Variants in PTGDR2 observed in about 807,000 individuals in gnomAD.
The protein encoded by PTGDR2 is prostaglandin D2 receptor 2, also known as G-protein coupled receptor 44.
For synonymous variants in PTGDR2, 276 were observed against 278.4 expected (o/e 0.99, Z 0.09); for missense variants, 544 against 576.6 (o/e 0.94, Z 0.58).
In PTGDR2 at chr11:60,852,232, CTG is replaced by C. The variant is rs1244113380; in HGVS notation, c.*301_*302del. ...AGGCCTCGCCTGTGAACCTGCCGCA[CTG>C]GCTTCTCGGCCTGGGAGCTTGTTAA... On this transcript the variant is annotated 3_prime_UTR_variant, in exon 2 of 2. Coordinates refer to ENST00000332539, the MANE Select transcript of PTGDR2 (RefSeq NM_004778.3). 2.9e-6 allele frequency: 1 copy of C among 342,270 alleles called. No individual in the cohort carries two copies. Among genetic ancestry groups the C allele is most frequent in the Non-Finnish European group, 5.2e-6 (1 of 190,574 alleles). The allele number at this position is 342,270 out of a possible 1,614,324, so 21.2% of individuals were successfully genotyped here. A position where few individuals can be genotyped will look rare whatever the true frequency, so the allele number is the denominator to read the frequency against.
chr11:60,853,039 G>A lies in PTGDR2; in HGVS notation c.684C>T (p.Ala228=). The change falls in exon 2 of 2, where the codon GCC becomes GCT. Residue 228 remains alanine (A), a synonymous_variant. Coordinates refer to ENST00000332539, the MANE Select transcript of PTGDR2 (RefSeq NM_004778.3). The part of the protein sequence containing the change: ...PLAIIASSHA[A]VSLRLQHRGR... ...CGCGGTGCTGCAACCGCAGGCTCAC[G>A]GCCGCGTGGCTCGAGGCGATGATCG... The A allele has an allele frequency of 6.4e-7, 1 of 1,562,148 alleles. No individual in the cohort carries two copies.
Position 60,852,653 on chromosome 11 carries a change from C to T in PTGDR2, c.1070G>A (p.Cys357Tyr). 7.4e-7 allele frequency: 1 copy of T among 1,352,834 alleles called. No homozygotes were observed. The highest frequency in any genetic ancestry group is 9.5e-7 in the Non-Finnish European group (1 of 1,047,272). The allele number at this position is 1,352,834 out of a possible 1,614,324, so 83.8% of individuals were successfully genotyped here. A position where few individuals can be genotyped will look rare whatever the true frequency, so the allele number is the denominator to read the frequency against. ...TARSASPLALCSRPEEPRGPA... is the reference protein window; with the variant it reads ...TARSASPLALYSRPEEPRGPA... ...GCCCCGCGGTTCCTCCGGGCGGCTG[C>T]AGAGAGCTAAAGGGGAGGCCGAGCG... is the stretch of plus-strand genomic sequence containing the variant. Residue 357 changes from cysteine (C) to tyrosine (Y), a missense_variant, in exon 2 of 2, where the codon TGC (cysteine) becomes TAC (tyrosine). Cys to Tyr is a radical substitution (Grantham distance 194, BLOSUM62 -2). Coordinates refer to ENST00000332539, the MANE Select transcript of PTGDR2 (RefSeq NM_004778.3).
rs754457283 is a variant in PTGDR2, at chr11:60,854,367, A to G, written c.-9-636T>C. Among the ~76,000 whole-genome samples, 15 of 152,188 alleles carry G rather than the reference A, an allele frequency of 9.9e-5. 1 individual carries two copies. Among genetic ancestry groups the G allele is most frequent in the Non-Finnish European group, 2.1e-4 (14 of 68,028 alleles). ...CTCTGATGGTTGGAGAGGAAATAAG[A>G]TAAGAGCCAGGAGAGCTGGGGAGGA... is the stretch of plus-strand genomic sequence containing the variant. On this transcript the variant is annotated intron_variant, in intron 1 of 1. Transcript: ENST00000332539.
chr11:60,852,893 C>T lies in PTGDR2; in HGVS notation c.830G>A (p.Gly277Glu), dbSNP rs1234869101. ...LLEARAHANP[G>E]LRPLVWRGLP... ...CCCGCGCCACACGAGCGGCCGCAGC[C>T]CCGGGTTTGCGTGCGCCCGCGCCTC... is the stretch of plus-strand genomic sequence containing the variant. The change falls in exon 2 of 2, where the codon GGG becomes GAG. Residue 277 changes from glycine (G) to glutamate (E), a missense_variant. Transcript: ENST00000332539. The T allele has an allele frequency of 6.5e-7, 1 of 1,530,378 alleles. No individual in the cohort carries two copies. The allele number at this position is 1,530,378 out of a possible 1,614,324, so 94.8% of individuals were successfully genotyped here.
At chr11:60,854,435 G>T (rs1267470863) in intron 1 of PTGDR2, among the ~76,000 whole-genome samples, 2 of 152,240 alleles carry the variant, frequency 1.3e-5, no homozygotes. Flanking sequence ...GGGGCCAAAA[G>T]ATCTCTCCCT....
rs1855317641 is a variant in PTGDR2, at chr11:60,853,691, C to T, written c.32G>A (p.Cys11Tyr). Residue 11 changes from cysteine (C) to tyrosine (Y), a missense_variant, in exon 2 of 2, where the codon TGC becomes TAC. By Grantham distance (194) the Cys-to-Tyr change is radical. Transcript: ENST00000332539. ...ACGGCTCATCTGCTCCAGGATGGGG[C>T]AGAGTGGCTTCAGTGTGGCGTTGGC... Reference protein sequence around the residue: MSANATLKPLCPILEQMSRLQ... With the variant: MSANATLKPLYPILEQMSRLQ... 1 of 1,552,694 alleles carries T rather than the reference C, an allele frequency of 6.4e-7. No individual in the cohort carries two copies. The highest frequency in any genetic ancestry group is 1.4e-5 in the African/African-American group (1 of 73,518).
intron 1 of PTGDR2, among the ~76,000 whole-genome samples, chr11:60,854,329 G>A (rs937309168): frequency 6.6e-6 from 1 of 152,226 alleles, no homozygotes; most frequent in Non-Finnish European, 1.5e-5. Context: ...ATAAACAGTG[G>A]AACCAGCCCC....
chr11:60,854,142 C>T (rs573794519), intron 1 of PTGDR2, among the ~76,000 whole-genome samples: 1 of 152,270 alleles, frequency 6.6e-6, no homozygotes, highest in East Asian at 1.9e-4. Flanking sequence ...TTTTCCCATC[C>T]CCAGAGCACT....
chr11:60,855,066 C>G (rs1855339745), intron 1 of PTGDR2, among the ~76,000 whole-genome samples: 1 of 152,202 alleles, frequency 6.6e-6, no homozygotes, highest in Admixed American at 6.5e-5. Flanking sequence ...AACTAGAATT[C>G]TGCTGGCGGA....
Position 60,855,857 on chromosome 11 carries a change from ACTC to A in PTGDR2, c.-10+9_-10+11del, listed in dbSNP as rs1486877888. 3 of 152,174 alleles carry A rather than the reference ACTC, an allele frequency of 2.0e-5. No homozygotes were observed. Among genetic ancestry groups the A allele is most frequent in the Admixed American group, 2.0e-4 (3 of 15,264 alleles). 9.4% of individuals were successfully genotyped at this position (152,174 alleles called of 1,614,324 possible). ...CACTAGGCTGCCCAACCCCTGGGCC[ACTC>A]CTCCTTACCTGGGCACAGAGGGAGC... On this transcript the variant is annotated intron_variant, in intron 1 of 1. Transcript: ENST00000332539.
chr11:60,853,016 CG>C lies in PTGDR2; in HGVS notation c.706del (p.Arg236AlafsTer119). Reference protein sequence around the residue: ...HAAVSLRLQHRGRRRPGRFVR... With the variant: ...HAAVSLRLQHXGRRRPGRFVR... ...GAAGCGGCCTGGCCGCCGGCGGCCGCGGTGCTGCAACCGCAGGCTCACGGCC... is the reference window on the plus strand; with the variant it reads ...GAAGCGGCCTGGCCGCCGGCGGCCGCGTGCTGCAACCGCAGGCTCACGGCC... On this transcript the variant is annotated frameshift_variant, in exon 2 of 2. Coordinates refer to ENST00000332539, the MANE Select transcript of PTGDR2 (RefSeq NM_004778.3). LOFTEE classifies it low-confidence loss of function (END_TRUNC). 1 of 1,490,916 alleles carries C rather than the reference CG, an allele frequency of 6.7e-7. No individual in the cohort carries two copies. Among genetic ancestry groups the C allele is most frequent in the South Asian group, 1.3e-5 (1 of 76,364 alleles). 92.4% of individuals were successfully genotyped at this position (1,490,916 alleles called of 1,614,324 possible).
intron 1 of PTGDR2, 127 bp from the exon 2 acceptor site, chr11:60,853,858 G>A (rs1855320892): frequency 4.2e-6 from 3 of 717,622 alleles, no homozygotes; most frequent in African/African-American, 1.8e-5. Flanking sequence ...TGGGCGGTGG[G>A]GGTGGGGGGA....
intron 1 of PTGDR2, among the ~76,000 whole-genome samples, chr11:60,854,532 A>C (rs1855330508): frequency 6.6e-6 from 1 of 152,368 alleles, no homozygotes; most frequent in South Asian, 2.1e-4. Context: ...CATCCAACAA[A>C]TAAGACGTGC....
Position 60,851,585 on chromosome 11 carries a change from C to T in PTGDR2, c.*950G>A, listed in dbSNP as rs1365701909. The T allele has an allele frequency of 1.3e-5, 2 of 152,266 alleles. No individual in the cohort carries two copies. Among genetic ancestry groups the T allele is most frequent in the African/African-American group, 4.8e-5 (2 of 41,464 alleles). 9.4% of individuals were successfully genotyped at this position (152,266 alleles called of 1,614,324 possible). ...ACACCAGGCCGACAGGGAGGCTGGT[C>T]CGCTTAGCTAAGAAATGACGTGTGC... On this transcript the variant is annotated 3_prime_UTR_variant, in exon 2 of 2. Transcript: ENST00000332539.
At position 60,853,501 on chromosome 11, in the gene PTGDR2, C is replaced by A; in HGVS notation, c.222G>T (p.Ala74=). 6.4e-7 allele frequency: 1 copy of A among 1,561,058 alleles called. No homozygotes were observed. Among genetic ancestry groups the A allele is most frequent in the Non-Finnish European group, 8.7e-7 (1 of 1,152,160 alleles). ...TVVTTWVLHL[A]LSDLLASASL... is the part of the protein sequence containing the mutation. ...AAGCAGAGGCCAACAGGTCGGACAG[C>A]GCCAGGTGCAGCACCCAGGTGGTGA... The change falls in exon 2 of 2, where the codon GCG becomes GCT. Residue 74 remains alanine, a synonymous_variant. Transcript: ENST00000332539.
At position 60,853,240 on chromosome 11, in the gene PTGDR2, G is replaced by A. The variant is rs759974499; in HGVS notation, c.483C>T (p.Leu161=). ...VCLVLWALAV[L]NTVPYFVFRD... is the part of the protein sequence containing the mutation. Reference sequence around the variant, plus strand: ...GGAACACGAAATAGGGCACCGTGTTGAGCACCGCTAGTGCCCAAAGCACCA... The same window carrying A: ...GGAACACGAAATAGGGCACCGTGTTAAGCACCGCTAGTGCCCAAAGCACCA... The change falls in exon 2 of 2, where the codon CTC becomes CTT. Residue 161 remains leucine, a synonymous_variant. Transcript: ENST00000332539. 1 of 1,613,258 alleles carries A rather than the reference G, an allele frequency of 6.2e-7. No individual in the cohort carries two copies. Among genetic ancestry groups the A allele is most frequent in the Non-Finnish European group, 8.5e-7 (1 of 1,179,860 alleles).
Position 60,853,112 on chromosome 11 carries a change from A to T in PTGDR2, c.611T>A (p.Val204Glu), listed in dbSNP as rs2467642. The T allele has an allele frequency of 6.2e-7, 1 of 1,604,566 alleles. No individual in the cohort carries two copies. The highest frequency in any genetic ancestry group is 8.5e-7 in the Non-Finnish European group (1 of 1,179,204). The change falls in exon 2 of 2, where the codon GTG (valine) becomes GAG (glutamate). Residue 204 changes from valine to glutamate, a missense_variant. Physicochemically the swap from Val to Glu is moderately radical, Grantham distance 121. Coordinates refer to ENST00000332539, the MANE Select transcript of PTGDR2 (RefSeq NM_004778.3). ...CAGGAACTTGCTGACGGCCAGGGCCACCTGCCGCGAGTTGCACGTGGCATC... is the reference window on the plus strand; with the variant it reads ...CAGGAACTTGCTGACGGCCAGGGCCTCCTGCCGCGAGTTGCACGTGGCATC... Reference protein sequence around the residue: ...DRDATCNSRQVALAVSKFLLA... With the variant: ...DRDATCNSRQEALAVSKFLLA...
rs1237372931 is a variant in PTGDR2 at position 60,853,612 on chromosome 11, C to G, written c.111G>C (p.Leu37=). The G allele has an allele frequency of 5.8e-6, 9 of 1,556,556 alleles. No homozygotes were observed. In the South Asian group the frequency reaches 5.9e-5, roughly 10 times the overall value. Residue 37 remains leucine, a synonymous_variant, in exon 2 of 2, where the codon CTG becomes CTC. Transcript: ENST00000332539. ...CCAGCAGCGAGGCCAGCCCGTGCAG[C>G]AGCACGGCCGCGTGGTCGATGTAGC... ...SIRYIDHAAV[L]LHGLASLLGL... is the part of the protein sequence containing the mutation.
At position 60,853,349 on chromosome 11, in the gene PTGDR2, A is replaced by T. The variant is rs1565098380; in HGVS notation, c.374T>A (p.Ile125Asn). Residue 125 changes from isoleucine to asparagine, a missense_variant, in exon 2 of 2, where the codon ATC becomes AAC. Physicochemically the swap from Ile to Asn is moderately radical, Grantham distance 149. Transcript: ENST00000332539. ...CACCTGCAGGCAGCGGTCCAGGCTG[A>T]TGGCGCTGAGCAGGAAGCCGCTGGC... ...MFASGFLLSA[I>N]SLDRCLQVVR... 6.2e-7 allele frequency: 1 copy of T among 1,608,840 alleles called. No homozygotes were observed. The highest frequency in any genetic ancestry group is 1.1e-5 in the South Asian group (1 of 90,308).
Sources: allele counts gnomAD v4.1 joint callset (sites outside exome capture counted in the v4.1 genomes callset), GRCh38; gene constraint gnomAD v4.1.1; transcripts MANE v1.5; gene names NCBI Gene and HGNC (gene_info 2026-07-23, HGNC 2026-07-21).